Variants in TXNRD2 observed in about 807,000 individuals in gnomAD.
TXNRD2 encodes the protein thioredoxin reductase 2.
Under a neutral mutation model 70.8 loss-of-function variants are expected in TXNRD2, and 67 were observed. The ratio of observed to expected loss-of-function variants is 0.95; its 90% confidence interval spans 0.78 to 1.16. TXNRD2 has a LOEUF of 1.16. Among genes scored for constraint, TXNRD2 ranks in the 50% most tolerant of loss-of-function variants. The pLI is 0.00. For missense variants in TXNRD2, 644 were observed against 719.9 expected, an observed-to-expected ratio of 0.89 and a Z score of 1.21; for synonymous variants, 301 against 295.8, an observed-to-expected ratio of 1.02 and a Z score of -0.18.
rs562031247 is a variant in TXNRD2 at position 19,892,932 on chromosome 22, C to A, written c.949+2475G>T. On this transcript the variant is annotated intron_variant, in intron 11 of 17. Transcript: ENST00000400521. ...ACTTACTTAAAATCTACTTTTACAACGTGGCTGAGAACATTGCTCTTGCTG... is the reference window on the plus strand; with the variant it reads ...ACTTACTTAAAATCTACTTTTACAAAGTGGCTGAGAACATTGCTCTTGCTG... Among the ~76,000 whole-genome samples the A allele has an allele frequency of 2.0e-5, 3 of 152,234 alleles. No homozygotes were observed. The East Asian group carries it at 5.8e-4, about 29-fold the overall frequency.
At chr22:19,926,437 C>T (rs1451600074) in intron 2 of TXNRD2, among the ~76,000 whole-genome samples, 1 of 151,920 alleles carries the variant, frequency 6.6e-6, no homozygotes, top group Non-Finnish European at 1.5e-5. Context: ...TTGCAGTGAG[C>T]CAAGATCACA....
rs913688716 is a variant in TXNRD2 at position 19,906,505 on chromosome 22, C to A, written c.662+4872G>T. Among the ~76,000 whole-genome samples the A allele has an allele frequency of 1.8e-4, 27 of 152,126 alleles. 1 individual carries two copies. Among genetic ancestry groups the A allele is most frequent in the Admixed American group, 1.6e-3 (25 of 15,278 alleles). On this transcript the variant is annotated intron_variant, in intron 8 of 17. Coordinates refer to ENST00000400521, the MANE Select transcript of TXNRD2 (RefSeq NM_006440.5). ...GGCGTGGTGGCGAGCGCCTGTAATC[C>A]CAGCTACTCAGGAGGCTGAGGCAGG... is the stretch of plus-strand genomic sequence containing the variant.
intron 8 of TXNRD2, among the ~76,000 whole-genome samples, chr22:19,906,201 T>C (rs73877397): frequency 0.035 from 5,277 of 152,114 alleles, 133 homozygotes; most frequent in South Asian, 0.086. Flanking sequence ...GCAGCACACA[T>C]GGGCATGCTC....
At chr22:19,924,058 C>A (rs530343422) in intron 2 of TXNRD2, among the ~76,000 whole-genome samples, 1 of 151,574 alleles carries the variant, frequency 6.6e-6, no homozygotes, top group Admixed American at 6.6e-5. Flanking sequence ...TGGTGTGCAG[C>A]GGTGCGATCA....
At chr22:19,906,856 G>T in intron 8 of TXNRD2, among the ~76,000 whole-genome samples, 1 of 147,556 alleles carries the variant, frequency 6.8e-6, no homozygotes, top group South Asian at 2.3e-4. Flanking sequence ...TCAGGAGAGT[G>T]TGGGCGCCGT....
chr22:19,884,896 C>T (rs1051962417), intron 11 of TXNRD2, among the ~76,000 whole-genome samples: 1 of 152,194 alleles, frequency 6.6e-6, no homozygotes, highest in African/African-American at 2.4e-5. Flanking sequence ...GGCACACAGT[C>T]CCAGCCTAGA....
intron 1 of TXNRD2, among the ~76,000 whole-genome samples, chr22:19,934,945 C>T (rs1941490607): frequency 6.6e-6 from 1 of 152,178 alleles, no homozygotes; most frequent in South Asian, 2.1e-4. Flanking sequence ...TATACATCAC[C>T]TCAGGACCAC....
chr22:19,907,575 G>A (rs1438390406), intron 8 of TXNRD2, among the ~76,000 whole-genome samples: 2 of 41,234 alleles, frequency 4.9e-5, no homozygotes, highest in Admixed American at 3.6e-4. Context: ...TGTGGGCGCC[G>A]TGGGTAGCAG....
chr22:19,936,118 C>T (rs796811086), intron 1 of TXNRD2, among the ~76,000 whole-genome samples: 4 of 152,084 alleles, frequency 2.6e-5, no homozygotes, highest in Non-Finnish European at 4.4e-5. Context: ...TGCAAAATTC[C>T]GAGAACTGGT....
At chr22:19,916,891 G>A (rs1940663229) in intron 5 of TXNRD2, among the ~76,000 whole-genome samples, 2 of 152,194 alleles carry the variant, frequency 1.3e-5, no homozygotes, top group Admixed American at 1.3e-4. Flanking sequence ...TTACAGGCAT[G>A]AGCCACTGCA....
chr22:19,914,958 G>A (rs1940566988), intron 7 of TXNRD2: 2 of 504,046 alleles, frequency 4.0e-6, no homozygotes, highest in Non-Finnish European at 3.7e-6. Context: ...GTGTGGAAGG[G>A]GACAGATCCA....
chr22:19,894,308 A>G (rs1030542775), intron 11 of TXNRD2: 1 of 152,272 alleles, frequency 6.6e-6, no homozygotes, highest in African/African-American at 2.4e-5. Flanking sequence ...AGATAATGGA[A>G]AAGTTCTAGA....
At chr22:19,888,926 G>A (rs370916304) in intron 11 of TXNRD2, among the ~76,000 whole-genome samples, 51 of 145,044 alleles carry the variant, frequency 3.5e-4, no homozygotes, top group East Asian at 3.5e-3. Context: ...AATGAGCCCC[G>A]GGCCCCTACC....
At chr22:19,881,438 T>G in intron 12 of TXNRD2, 1 of 195,394 alleles carries the variant, frequency 5.1e-6, no homozygotes, top group African/African-American at 2.3e-5. Flanking sequence ...CATTAAACAA[T>G]AGCCCCCGCC....
intron 12 of TXNRD2, among the ~76,000 whole-genome samples, chr22:19,881,621 A>G (rs909070143): frequency 6.6e-6 from 1 of 152,258 alleles, no homozygotes; most frequent in African/African-American, 2.4e-5. Flanking sequence ...TTTCCAACAC[A>G]GGAGCCTGGG....
At chr22:19,941,592 G>A in intron 1 of TXNRD2, 109 bp downstream of exon 1, 1 of 1,335,570 alleles carries the variant, frequency 7.5e-7, no homozygotes. Context: ...GGACACCCCC[G>A]CGTGGGCACC....
In TXNRD2 at chr22:19,919,598, G is replaced by A. The variant is rs767236339; in HGVS notation, c.174C>T (p.Ala58=). The part of the protein sequence containing the change: ...GSGGLACAKE[A]AQLGRKVAVV... ...CGGCCACCTTCCTTCCCAGCTGGGCGGCTGGAAGGATAAGGAGAGCAGCAG... is the reference window on the plus strand; with the variant it reads ...CGGCCACCTTCCTTCCCAGCTGGGCAGCTGGAAGGATAAGGAGAGCAGCAG... Residue 58 remains alanine (A), a splice_region_variant and synonymous_variant, in exon 3 of 18, where the codon GCC becomes GCT. Coordinates refer to ENST00000400521, the MANE Select transcript of TXNRD2 (RefSeq NM_006440.5). 5.4e-5 allele frequency: 84 copies of A among 1,558,998 alleles called. No homozygotes were observed. The highest frequency in any genetic ancestry group is 5.9e-5 in the South Asian group (5 of 84,370).
At position 19,911,389 on chromosome 22, in the gene TXNRD2, G is replaced by T. The variant is rs201913959; in HGVS notation, c.650C>A (p.Ser217Tyr). ...TSDDIFWLKE[S>Y]PGKTLVVGAS... ...GCGCAGGCCTTACGTTTTTCCAGGG[G>T]ATTCCTTCAGCCAGAAGATGTCATC... is the stretch of plus-strand genomic sequence containing the variant. Residue 217 changes from serine (S) to tyrosine (Y), a missense_variant, in exon 8 of 18, where the codon TCC becomes TAC. Ser to Tyr is a moderately radical substitution (Grantham distance 144). Around this residue, in one of 3 missense-constraint regions of TXNRD2, gnomAD observed 566 missense variants for 645.0 expected, o/e 0.88. Transcript: ENST00000400521. 5.5e-5 allele frequency: 89 copies of T among 1,613,914 alleles called. No homozygotes were observed. The African/African-American group carries it at 1.0e-3, about 18-fold the overall frequency.
chr22:19,914,762 C>A, intron 7 of TXNRD2: 1 of 262,924 alleles, frequency 3.8e-6, no homozygotes, highest in Non-Finnish European at 7.5e-6. Context: ...GTACTAAAAA[C>A]CACTGAATTG....
Sources: gnomAD v4.1 joint callset for allele counts (sites outside exome capture counted in the v4.1 genomes callset) on GRCh38, gnomAD v4.1.1 for gene constraint, gnomAD v4.1.1 regional missense constraint, MANE v1.5 for transcripts, NCBI Gene and HGNC (gene_info 2026-07-23, HGNC 2026-07-21) for gene names.